The following ZBTB25 variants were observed in gnomAD, a reference collection of about 807,000 sequenced individuals.
ZBTB25 encodes the protein zinc finger and BTB domain containing 25, also known as zinc finger and BTB domain-containing protein 25.
In ZBTB25, 20 loss-of-function variants were observed where a neutral mutation model predicts 34.2. The ratio of observed to expected loss-of-function variants is 0.58; its 90% CI spans 0.41 to 0.85. The LOEUF (loss-of-function observed/expected upper bound fraction) is 0.85, where lower values mean the gene tolerates loss of function less well. ZBTB25 is among the 40% of genes least tolerant of loss of function. The pLI is 0.00. For synonymous variants in ZBTB25, 175 were observed against 186.4 expected, an observed-to-expected ratio of 0.94 and a Z score of 0.50; for missense variants, 437 against 521.8, an observed-to-expected ratio of 0.84 and a Z score of 1.58.
chr14:64,465,065 T>G (rs945804902), intron 2 of ZBTB25, among the ~76,000 whole-genome samples: 2 of 152,256 alleles, frequency 1.3e-5, no homozygotes, highest in African/African-American at 2.4e-5. Flanking sequence ...ATGCACAGTT[T>G]TGAATCCTGC....
At chr14:64,461,573 C>CTTTTTTTT (rs10690989) in intron 2 of ZBTB25, 8 of 94,988 alleles carry the variant, frequency 8.4e-5, no homozygotes, top group South Asian at 3.7e-4. Context: ...TTTTTTTTTC[C>CTTTTTTTT]TTTTTTTTTT....
intron 2 of ZBTB25, chr14:64,469,729 T>C (rs2141004339): frequency 7.7e-7 from 1 of 1,298,516 alleles, no homozygotes; most frequent in Non-Finnish European, 1.1e-6. Flanking sequence ...AAGAATTCTT[T>C]TATACATTTG....
chr14:64,502,959 G>T (rs1323549288), intron 1 of ZBTB25: 1 of 985,392 alleles, frequency 1.0e-6, no homozygotes, highest in Non-Finnish European at 1.2e-6. Flanking sequence ...TCAAGAGAAA[G>T]AATGCCAAAT....
At position 64,484,841 on chromosome 14, in the gene ZBTB25, C is replaced by A. The variant is rs533127382; in HGVS notation, c.*2082G>T. On this transcript the variant is annotated 3_prime_UTR_variant, in exon 3 of 3. Transcript: ENST00000608382. ...AAAATACAAAAAATCAATGTTAATACTTGTGTTCTTCCAATGAGATGATAT... is the reference window on the plus strand; with the variant it reads ...AAAATACAAAAAATCAATGTTAATAATTGTGTTCTTCCAATGAGATGATAT... 2 of 198,742 alleles carry A rather than the reference C, an allele frequency of 1.0e-5. No individual in the cohort carries two copies. Among genetic ancestry groups the A allele is most frequent in the African/African-American group, 4.7e-5 (2 of 42,152 alleles). 12.3% of individuals were successfully genotyped at this position (198,742 alleles called of 1,614,324 possible). A position where few individuals can be genotyped will look rare whatever the true frequency, so the allele number is the denominator to read the frequency against.
chr14:64,470,937 G>C (rs1043353251), intron 2 of ZBTB25: 1 of 167,002 alleles, frequency 6.0e-6, no homozygotes, highest in African/African-American at 2.4e-5. Context: ...AAGCCAGCCT[G>C]GTAGTAATGG....
At chr14:64,457,151 G>A (rs2078487586) in intron 2 of ZBTB25, among the ~76,000 whole-genome samples, 1 of 152,204 alleles carries the variant, frequency 6.6e-6, no homozygotes, top group Non-Finnish European at 1.5e-5. Flanking sequence ...GTACAAAAGT[G>A]TCTTGGCCCA....
chr14:64,498,157 C>G (rs12050238), intron 1 of ZBTB25, among the ~76,000 whole-genome samples: 34,958 of 152,052 alleles, frequency 0.23, 4,662 homozygotes, highest in Non-Finnish European at 0.31. Flanking sequence ...GAGAATGAAA[C>G]AATGTTTGTA....
At chr14:64,449,544 G>A in exon 3 of ZBTB25, 1 of 1,614,186 alleles carries the variant, frequency 6.2e-7, no homozygotes, top group Non-Finnish European at 8.5e-7. Context: ...AAGGGGGCAA[G>A]GGTGCCTTAG....
At chr14:64,472,609 T>C (rs1278961972) in intron 2 of ZBTB25, 1 of 167,046 alleles carries the variant, frequency 6.0e-6, no homozygotes, top group Non-Finnish European at 1.5e-5. Context: ...AGAATATCTG[T>C]TGAATTAAGT....
At chr14:64,459,795 T>C in intron 2 of ZBTB25, 2 of 1,535,786 alleles carry the variant, frequency 1.3e-6, no homozygotes, top group Non-Finnish European at 1.7e-6. Context: ...TTTGAAAGTC[T>C]GGCCAGTGTC....
Position 64,489,906 on chromosome 14 carries a change from A to C in ZBTB25, c.173+455T>G, listed in dbSNP as rs551778595. Among the ~76,000 whole-genome samples the C allele has an allele frequency of 8.5e-4, 129 of 151,886 alleles. 3 individuals carry two copies. In the South Asian group the frequency reaches 0.027, roughly 31 times the overall value. ...ACACACTGAGTTTAATTACTAATGT[A>C]TAAAAAATTATTATAATTTGGCCAG... On this transcript the variant is annotated intron_variant, in intron 2 of 2. Transcript: ENST00000608382.
chr14:64,502,563 G>C, intron 1 of ZBTB25: 6 of 893,270 alleles, frequency 6.7e-6, no homozygotes, highest in Non-Finnish European at 8.0e-6. Flanking sequence ...ACCATAGGCG[G>C]CCTACCTCAC....
chr14:64,469,789 T>A, intron 2 of ZBTB25: 1 of 807,406 alleles, frequency 1.2e-6, no homozygotes, highest in Non-Finnish European at 1.9e-6. Context: ...CTCTAGAACT[T>A]AAAAGGTACA....
At chr14:64,452,940 C>T (rs1442276426) in intron 2 of ZBTB25, among the ~76,000 whole-genome samples, 1 of 151,718 alleles carries the variant, frequency 6.6e-6, no homozygotes, top group Non-Finnish European at 1.5e-5. Flanking sequence ...AGGCTGGTTT[C>T]AAACTCCTGG....
chr14:64,500,692 G>C (rs564849243), intron 1 of ZBTB25, among the ~76,000 whole-genome samples: 1 of 152,236 alleles, frequency 6.6e-6, no homozygotes, highest in South Asian at 2.1e-4. Context: ...CTACTTGGGA[G>C]GCTGAGGCAG....
chr14:64,499,108 T>C (rs999975862), intron 1 of ZBTB25, among the ~76,000 whole-genome samples: 13 of 152,192 alleles, frequency 8.5e-5, no homozygotes, highest in African/African-American at 3.1e-4. Context: ...ATTGTATAAC[T>C]CTGGATTAGT....
chr14:64,491,774 C>T (rs1405852116), intron 1 of ZBTB25, among the ~76,000 whole-genome samples: 1 of 152,064 alleles, frequency 6.6e-6, no homozygotes, highest in Admixed American at 6.6e-5. Flanking sequence ...AGGAGAACAT[C>T]CTTTGAAAGA....
chr14:64,459,990 G>A, intron 2 of ZBTB25: 1 of 1,433,742 alleles, frequency 7.0e-7, no homozygotes, highest in Non-Finnish European at 9.4e-7. Flanking sequence ...CAGAATAAAA[G>A]GAAACAAGTT....
At chr14:64,476,841 A>T (rs775963494), downstream of ZBTB25, among the ~76,000 whole-genome samples, 1 of 152,176 alleles carries the variant, frequency 6.6e-6, no homozygotes, top group Non-Finnish European at 1.5e-5. Flanking sequence ...AGAATTCTTT[A>T]AAAAACCCTC....
Sources: gnomAD v4.1 joint callset for allele counts (sites outside exome capture counted in the v4.1 genomes callset) on GRCh38, gnomAD v4.1.1 for gene constraint, MANE v1.5 for transcripts, NCBI Gene and HGNC (gene_info 2026-07-23, HGNC 2026-07-21) for gene names.